The following SCCPDH variants were observed in gnomAD, a reference collection of about 807,000 sequenced individuals.
The protein encoded by SCCPDH is saccharopine dehydrogenase (putative).
Under a neutral mutation model 51.5 loss-of-function variants are expected in SCCPDH, and 34 were observed. That is an observed-to-expected ratio of 0.66 (90% CI 0.50 to 0.88). SCCPDH has a LOEUF of 0.88. Ranked by LOEUF, SCCPDH falls within the 40% of genes least tolerant of loss-of-function variation. The probability of loss-of-function intolerance (pLI) is 0.00; values close to 1 mark genes in which losing one functional copy is unlikely to be tolerated. For synonymous variants in SCCPDH, 187 were observed against 191.3 expected, an observed-to-expected ratio of 0.98 and a Z score of 0.19; for missense variants, 464 against 527.1, an observed-to-expected ratio of 0.88 and a Z score of 1.17.
chr1:246,759,041 A>C lies in SCCPDH; in HGVS notation c.703A>C (p.Ile235Leu). Residue 235 changes from isoleucine (I) to leucine (L), a missense_variant, in exon 7 of 12, where the codon ATT becomes CTT. Physicochemically the swap from Ile to Leu is conservative, Grantham distance 5. Coordinates refer to ENST00000366510, the MANE Select transcript of SCCPDH (RefSeq NM_016002.3). ...CATAGGTCTGTCTTGCAGGTGGCCA[A>C]TTTCTTATTGTCGGGAACTCAAAGG... ...IGPKLKRRWPISYCRELKGYS... is the reference protein window; with the variant it reads ...IGPKLKRRWPLSYCRELKGYS... The C allele has an allele frequency of 6.3e-7, 1 of 1,595,052 alleles. No individual in the cohort carries two copies.
At chr1:246,744,609 C>T (rs1446717467) in intron 5 of SCCPDH, among the ~76,000 whole-genome samples, 2 of 151,862 alleles carry the variant, frequency 1.3e-5, no homozygotes, top group African/African-American at 4.8e-5. Context: ...GTGTAAGCCA[C>T]CATGCCTGGC....
intron 11 of SCCPDH, among the ~76,000 whole-genome samples, chr1:246,766,822 A>C (rs1399523883): frequency 6.6e-6 from 1 of 152,210 alleles, no homozygotes; most frequent in African/African-American, 2.4e-5. Context: ...TTACACTTTC[A>C]TAATAATTGA....
intron 4 of SCCPDH, among the ~76,000 whole-genome samples, chr1:246,742,520 G>A (rs1183406783): frequency 2.0e-5 from 3 of 152,148 alleles, no homozygotes; most frequent in Admixed American, 1.3e-4. Flanking sequence ...TCACAGAGCC[G>A]CACACCCAGG....
chr1:246,731,243 G>A (rs1011020544), intron 2 of SCCPDH, among the ~76,000 whole-genome samples: 21 of 152,296 alleles, frequency 1.4e-4, no homozygotes, highest in African/African-American at 4.8e-4. Context: ...CATAAAATAG[G>A]AATAAGTTAG....
intron 2 of SCCPDH, 124 bp downstream of exon 2, chr1:246,727,128 G>A (rs574296749): frequency 1.4e-4 from 106 of 736,232 alleles, no homozygotes; most frequent in Non-Finnish European, 2.0e-4. Context: ...CATATGGGGA[G>A]TTTTTTCTTC....
At chr1:246,735,112 G>A (rs1050931796) in intron 2 of SCCPDH, among the ~76,000 whole-genome samples, 5 of 152,050 alleles carry the variant, frequency 3.3e-5, no homozygotes, top group East Asian at 1.9e-4. Flanking sequence ...TTAGTATATC[G>A]TCTGTGCTAT....
intron 4 of SCCPDH, 76 bp downstream of exon 4, chr1:246,740,377 C>T: frequency 7.8e-7 from 1 of 1,289,498 alleles, no homozygotes; most frequent in African/African-American, 1.5e-5. Context: ...CTGTGGTGAA[C>T]TAAAATCTAG....
At chr1:246,760,327 T>A in intron 9 of SCCPDH, 100 bp downstream of exon 9, 2 of 956,398 alleles carry the variant, frequency 2.1e-6, no homozygotes, top group Non-Finnish European at 1.6e-6. Flanking sequence ...GATACTCTTT[T>A]AAGTTCTTTA....
At chr1:246,757,268 T>A (rs915656300) in intron 5 of SCCPDH, among the ~76,000 whole-genome samples, 1 of 142,254 alleles carries the variant, frequency 7.0e-6, no homozygotes, top group Non-Finnish European at 1.5e-5. Context: ...TGCTTGAACC[T>A]AGGAGGCAGA....
chr1:246,743,854 G>A (rs1302962690), intron 4 of SCCPDH, among the ~76,000 whole-genome samples: 3 of 152,170 alleles, frequency 2.0e-5, no homozygotes, highest in African/African-American at 7.2e-5. Context: ...TAGAGATAGA[G>A]TTTATGCTAG....
Position 246,724,560 on chromosome 1 carries a change from C to T in SCCPDH, c.138C>T (p.Gly46=), listed in dbSNP as rs1572290081. The T allele has an allele frequency of 6.5e-7, 1 of 1,537,600 alleles. No homozygotes were observed. ...RSSRLPWAVA[G]RSREKLQRVL... ...CCCGCCTGCCCTGGGCCGTGGCGGG[C>T]CGCTCCCGGGAGAAGCTGCAGCGGG... The change falls in exon 1 of 12, where the codon GGC becomes GGT. Residue 46 remains glycine, a synonymous_variant. Transcript: ENST00000366510.
intron 5 of SCCPDH, among the ~76,000 whole-genome samples, chr1:246,754,632 T>C (rs1277233187): frequency 6.6e-6 from 1 of 152,190 alleles, no homozygotes; most frequent in Non-Finnish European, 1.5e-5. Context: ...TTCCTGTCCC[T>C]TTTAAGGGCT....
intron 4 of SCCPDH, among the ~76,000 whole-genome samples, chr1:246,743,440 G>A (rs900212456): frequency 6.6e-6 from 1 of 151,938 alleles, no homozygotes; most frequent in Non-Finnish European, 1.5e-5. Context: ...AAAATTAGCC[G>A]GGCATGGTGG....
chr1:246,766,876 A>C (rs1669092785), intron 11 of SCCPDH, among the ~76,000 whole-genome samples: 1 of 151,850 alleles, frequency 6.6e-6, no homozygotes, highest in African/African-American at 2.4e-5. Context: ...AATCCCCCTA[A>C]GTCTGAGGAC....
intron 2 of SCCPDH, among the ~76,000 whole-genome samples, chr1:246,733,474 C>T (rs778446582): frequency 7.1e-6 from 1 of 141,682 alleles, no homozygotes; most frequent in Non-Finnish European, 1.5e-5. Flanking sequence ...ATATATAGTC[C>T]GTAGCATCAT....
At chr1:246,762,123 T>G (rs755485105) in intron 9 of SCCPDH, among the ~76,000 whole-genome samples, 1 of 152,224 alleles carries the variant, frequency 6.6e-6, no homozygotes, top group Non-Finnish European at 1.5e-5. Flanking sequence ...TGATGATTAT[T>G]AGTGTTGAAC....
chr1:246,758,115 G>A, intron 5 of SCCPDH, 111 bp from the exon 6 acceptor site: 1 of 823,498 alleles, frequency 1.2e-6, no homozygotes, highest in African/African-American at 1.7e-5. Context: ...CAGGGATTAT[G>A]TCTTGTCCAA....
intron 5 of SCCPDH, among the ~76,000 whole-genome samples, chr1:246,747,854 G>A (rs1371425441): frequency 6.6e-6 from 1 of 152,118 alleles, no homozygotes; most frequent in Non-Finnish European, 1.5e-5. Context: ...GCTAGGAGGG[G>A]GTTGTTTACT....
chr1:246,751,776 CT>C (rs34218859), intron 5 of SCCPDH, among the ~76,000 whole-genome samples: 29 of 138,310 alleles, frequency 2.1e-4, no homozygotes, highest in Non-Finnish European at 2.0e-4. Context: ...ATAAATTCTC[CT>C]TTTTTTTTTT....
Sources: gnomAD v4.1 joint callset for allele counts (sites outside exome capture counted in the v4.1 genomes callset) on GRCh38, gnomAD v4.1.1 for gene constraint, MANE v1.5 for transcripts, NCBI Gene and HGNC (gene_info 2026-07-23, HGNC 2026-07-21) for gene names.